Variants in NUDT7 observed in about 807,000 individuals in gnomAD.
NUDT7 encodes the protein nudix hydrolase 7.
In NUDT7, 19 loss-of-function variants were observed where a neutral mutation model predicts 13.1. The ratio of observed to expected loss-of-function variants is 1.45; its 90% confidence interval spans 1.01 to 2.13. The LOEUF (loss-of-function observed/expected upper bound fraction) is 2.13, where lower values mean the gene tolerates loss of function less well. Among genes scored for constraint, NUDT7 ranks in the 30% most tolerant of loss-of-function variants. The pLI, the probability that NUDT7 is intolerant of heterozygous loss-of-function variation, is 0.00. For missense variants in NUDT7, 360 were observed against 291.7 expected, an observed-to-expected ratio of 1.23 and a Z score of -1.71; for synonymous variants, 132 against 109.7, an observed-to-expected ratio of 1.20 and a Z score of -1.27.
intron 3 of NUDT7, chr16:77,737,379 T>C (rs970221156): frequency 6.6e-5 from 10 of 152,222 alleles, no homozygotes; most frequent in African/African-American, 2.4e-4. Flanking sequence ...GTCTGATATT[T>C]TTCTCATCGT....
intron 3 of NUDT7, 84 bp downstream of exon 3, chr16:77,736,070 A>G (rs1479714904): frequency 4.7e-6 from 6 of 1,279,360 alleles, no homozygotes; most frequent in African/African-American, 1.5e-5. Context: ...TTTTCCAAAC[A>G]TAACCCCAAA....
At chr16:77,738,155 A>T (rs973923943) in intron 3 of NUDT7, among the ~76,000 whole-genome samples, 2 of 152,198 alleles carry the variant, frequency 1.3e-5, no homozygotes, top group African/African-American at 4.8e-5. Flanking sequence ...GATTTCCGCA[A>T]ATCCACCAGC....
chr16:77,737,157 T>G (rs948474756), intron 3 of NUDT7, among the ~76,000 whole-genome samples: 5 of 152,218 alleles, frequency 3.3e-5, no homozygotes, highest in Non-Finnish European at 5.9e-5. Context: ...TACTGTTAAC[T>G]GAACTCCATG....
chr16:77,725,467 A>G lies in NUDT7; in HGVS notation c.72A>G (p.Arg24=), dbSNP rs776766826. ...TAGATGATGCTAAGGCCCGCTTAAG[A>G]AAGTATGATATTGGAGGCAAATATT... ...SLLDDAKARL[R]KYDIGGKYSH... The change falls in exon 2 of 4, where the codon AGA becomes AGG. Residue 24 remains arginine, a synonymous_variant. Transcript: ENST00000268533. The G allele has an allele frequency of 3.7e-6, 6 of 1,613,718 alleles. No individual in the cohort carries two copies. Among genetic ancestry groups the G allele is most frequent in the Non-Finnish European group, 5.1e-6 (6 of 1,179,794 alleles).
At chr16:77,733,340 C>A (rs1224191505) in intron 2 of NUDT7, among the ~76,000 whole-genome samples, 1 of 152,184 alleles carries the variant, frequency 6.6e-6, no homozygotes, top group Non-Finnish European at 1.5e-5. Flanking sequence ...TGTTTCAGTT[C>A]ATAGATAGTC....
In NUDT7 at chr16:77,742,142, C is replaced by T. The variant is rs1220882532; in HGVS notation, c.*192C>T. On this transcript the variant is annotated 3_prime_UTR_variant, in exon 4 of 4. Transcript: ENST00000268533. ...AGTAAAAGCCATTCAAAAATGAAAA[C>T]TATGTTCATAGTGTTGCATATTTTC... 3.1e-6 allele frequency: 4 copies of T among 1,303,102 alleles called. No individual in the cohort carries two copies. The highest frequency in any genetic ancestry group is 2.9e-6 in the Non-Finnish European group (3 of 1,018,950). The allele number at this position is 1,303,102 out of a possible 1,614,324, so 80.7% of individuals were successfully genotyped here.
intron 2 of NUDT7, among the ~76,000 whole-genome samples, chr16:77,731,254 A>C (rs1231691294): frequency 6.6e-6 from 1 of 152,172 alleles, no homozygotes; most frequent in African/African-American, 2.4e-5. Context: ...GTACAAGGCA[A>C]ATTGAATAAA....
At chr16:77,726,700 G>C in intron 2 of NUDT7, among the ~76,000 whole-genome samples, 1 of 152,174 alleles carries the variant, frequency 6.6e-6, no homozygotes, top group African/African-American at 2.4e-5. Flanking sequence ...AGGAGGCTGA[G>C]GCAGGAGAAA....
At position 77,741,632 on chromosome 16, in the gene NUDT7, G is replaced by A. The variant is rs754758870; in HGVS notation, c.399G>A (p.Gln133=). The A allele has an allele frequency of 6.2e-7, 1 of 1,613,718 alleles. No homozygotes were observed. The highest frequency in any genetic ancestry group is 1.1e-5 in the South Asian group (1 of 91,042). Residue 133 remains glutamine, a synonymous_variant, in exon 4 of 4, where the codon CAG becomes CAA. Transcript: ENST00000268533. ...TGGGTTTAATAGACCACAACTTCCA[G>A]GCCCAGCCGAATCCTGCTGAAGTTA... The part of the protein sequence containing the change: ...PFVGLIDHNF[Q]AQPNPAEVKD...
At chr16:77,724,589 G>C (rs7192861) in intron 1 of NUDT7, among the ~76,000 whole-genome samples, 1 of 152,118 alleles carries the variant, frequency 6.6e-6, no homozygotes, top group Non-Finnish European at 1.5e-5. Context: ...CTTCTTATCA[G>C]GACAACAGTC....
intron 1 of NUDT7, among the ~76,000 whole-genome samples, chr16:77,724,218 C>T (rs1340824345): frequency 6.6e-6 from 1 of 152,070 alleles, no homozygotes; most frequent in African/African-American, 2.4e-5. Context: ...GCCATCTTCA[C>T]ATGGTCTTCT....
rs1474779302 is a variant in NUDT7, at chr16:77,741,743, T to C, written c.510T>C (p.Phe170=). 6.2e-7 allele frequency: 1 copy of C among 1,614,084 alleles called. No individual in the cohort carries two copies. Among genetic ancestry groups the C allele is most frequent in the African/African-American group, 1.3e-5 (1 of 74,936 alleles). The change falls in exon 4 of 4, where the codon TTT becomes TTC. Residue 170 remains phenylalanine, a synonymous_variant. Transcript: ENST00000268533. ...ACGTCACACGTCTTGGTCACCGTTT[T>C]ATTAATCATATCTTTGAGTACACAA... The part of the protein sequence containing the change: ...QHYVTRLGHR[F]INHIFEYTNP...
chr16:77,736,401 C>T (rs956541516), intron 3 of NUDT7, among the ~76,000 whole-genome samples: 2 of 152,172 alleles, frequency 1.3e-5, no homozygotes, highest in Admixed American at 1.3e-4. Context: ...TGCATTACTT[C>T]TGCCGTAAGG....
rs771650294 is a variant in NUDT7 at position 77,722,537 on chromosome 16, G to A, written c.-46G>A. On this transcript the variant is annotated 5_prime_UTR_variant, in exon 1 of 4. Transcript: ENST00000268533. The stretch of plus-strand genomic sequence containing the variant: ...CTGCTCTGCGCAAGCGCGACCGACC[G>A]AGCAGCTCCGAGGAGTCCGCCCGGA... 47 of 1,550,762 alleles carry A rather than the reference G, an allele frequency of 3.0e-5. No homozygotes were observed. In the Middle Eastern group the frequency reaches 1.2e-3, roughly 41 times the overall value.
At chr16:77,739,091 C>T (rs2145128425) in intron 3 of NUDT7, among the ~76,000 whole-genome samples, 1 of 152,312 alleles carries the variant, frequency 6.6e-6, no homozygotes, top group South Asian at 2.1e-4. Flanking sequence ...GTCCAGGCCC[C>T]TTCATATTCC....
rs1392186417 is a variant in NUDT7 at position 77,741,719 on chromosome 16, C to G, written c.486C>G (p.Tyr162Ter). Residue 162 changes from tyrosine to a stop codon, truncating the protein, a stop_gained, in exon 4 of 4, where the codon TAC becomes TAG. Coordinates refer to ENST00000268533, the MANE Select transcript of NUDT7 (RefSeq NM_001105663.3). LOFTEE classifies it low-confidence loss of function (END_TRUNC). ...ATCCACAGGTCCATGACCAGCATTACGTCACACGTCTTGGTCACCGTTTTA... is the reference window on the plus strand; with the variant it reads ...ATCCACAGGTCCATGACCAGCATTAGGTCACACGTCTTGGTCACCGTTTTA... ...FLHPQVHDQH[Y>*]VTRLGHRFIN... The G allele has an allele frequency of 6.2e-7, 1 of 1,613,964 alleles. No homozygotes were observed. Among genetic ancestry groups the G allele is most frequent in the African/African-American group, 1.3e-5 (1 of 74,922 alleles).
chr16:77,726,934 G>A (rs1467648555), intron 2 of NUDT7, among the ~76,000 whole-genome samples: 1 of 144,456 alleles, frequency 6.9e-6, no homozygotes, highest in African/African-American at 2.7e-5. Context: ...AAAGGCCTCA[G>A]GGAGTGTACC....
intron 3 of NUDT7, among the ~76,000 whole-genome samples, chr16:77,737,838 C>T (rs557603590): frequency 1.3e-5 from 2 of 152,074 alleles, no homozygotes; most frequent in African/African-American, 4.8e-5. Flanking sequence ...AAAGAACAGT[C>T]CCACTGTTGC....
chr16:77,735,617 G>A (rs1290620246), intron 2 of NUDT7: 1 of 597,770 alleles, frequency 1.7e-6, no homozygotes. Context: ...GGGACAAATA[G>A]AATAAAAGTT....
Sources: gnomAD v4.1 joint callset for allele counts (sites outside exome capture counted in the v4.1 genomes callset) on GRCh38, gnomAD v4.1.1 for gene constraint, MANE v1.5 for transcripts, NCBI Gene and HGNC (gene_info 2026-07-23, HGNC 2026-07-21) for gene names.